PTPN11: variants seen among roughly 807,000 people sequenced by gnomAD.
PTPN11 encodes tyrosine-protein phosphatase non-receptor type 11.
PTPN11 carries 6 observed loss-of-function variants against 78.8 expected under a neutral mutation model. The ratio of observed to expected loss-of-function variants is 0.08; its 90% CI spans 0.04 to 0.15. PTPN11 has a LOEUF of 0.15. PTPN11 is among the 10% of genes least tolerant of loss of function. PTPN11 has a pLI of 1.00. For synonymous variants in PTPN11, 221 were observed against 263.5 expected, an observed-to-expected ratio of 0.84 and a Z score of 1.56; for missense variants, 386 against 744.8, an observed-to-expected ratio of 0.52 and a Z score of 5.61.
rs1461134081 is a variant in PTPN11, at chr12:112,482,674, CCTTT to C, written c.1224+470_1224+473del. Among the ~76,000 whole-genome samples the C allele has an allele frequency of 6.6e-6, 1 of 152,070 alleles. No individual in the cohort carries two copies. The highest frequency in any genetic ancestry group is 1.5e-5 in the Non-Finnish European group (1 of 68,012). ...CAGCAGTTGTTCTTTTTTGTTCCTTCCTTTGGAATGGAATATTATATAAAATGGC... is the reference window on the plus strand; with the variant it reads ...CAGCAGTTGTTCTTTTTTGTTCCTTCGGAATGGAATATTATATAAAATGGC... On this transcript the variant is annotated intron_variant, in intron 10 of 15. Coordinates refer to ENST00000351677, the MANE Select transcript of PTPN11 (RefSeq NM_002834.5). This position sits in a 1 kb window ranked among gnomAD's most constrained non-coding sequence, Gnocchi z 4.4.
At chr12:112,472,692 G>C (rs1448899502) in intron 6 of PTPN11, among the ~76,000 whole-genome samples, 1 of 151,858 alleles carries the variant, frequency 6.6e-6, no homozygotes, top group Non-Finnish European at 1.5e-5. Context: ...GTAGAGCTGT[G>C]GTTTTACCAT....
intron 6 of PTPN11, among the ~76,000 whole-genome samples, chr12:112,458,094 A>G (rs531065929): frequency 1.6e-4 from 25 of 152,364 alleles, no homozygotes; most frequent in Middle Eastern, 6.8e-3. Flanking sequence ...CCTTTTAGCC[A>G]GAGTATGTCT....
At chr12:112,476,684 G>T (rs2038509259) in intron 7 of PTPN11, among the ~76,000 whole-genome samples, 1 of 152,146 alleles carries the variant, frequency 6.6e-6, no homozygotes, top group Non-Finnish European at 1.5e-5. Context: ...TATGAGAATT[G>T]CTTGAGCCCA....
chr12:112,498,078 G>A (rs748873294), intron 13 of PTPN11, among the ~76,000 whole-genome samples: 8 of 152,060 alleles, frequency 5.3e-5, no homozygotes, highest in Non-Finnish European at 1.2e-4. Context: ...GCTTGAACCC[G>A]GGAGGCAGAG....
At chr12:112,499,190 C>T (rs1050450262) in intron 13 of PTPN11, among the ~76,000 whole-genome samples, 3 of 150,288 alleles carry the variant, frequency 2.0e-5, no homozygotes. Flanking sequence ...GATCTCATGT[C>T]ATGTGTTTTT....
At chr12:112,484,755 C>T (rs2038647879) in intron 10 of PTPN11, among the ~76,000 whole-genome samples, 1 of 152,136 alleles carries the variant, frequency 6.6e-6, no homozygotes, top group Admixed American at 6.5e-5. Flanking sequence ...GGCGTGGTGG[C>T]TCACGCCTGT....
rs1346343279 is a variant in PTPN11, at chr12:112,509,553, T to C, written c.*3761T>C. The C allele has an allele frequency of 6.6e-6, 1 of 152,658 alleles. No individual in the cohort carries two copies. The highest frequency in any genetic ancestry group is 2.4e-5 in the African/African-American group (1 of 41,436). 9.5% of individuals were successfully genotyped at this position (152,658 alleles called of 1,614,324 possible). A position where few individuals can be genotyped will look rare whatever the true frequency, so the allele number is the denominator to read the frequency against. ...CCAGAGTATTAAAAGATATGTAATA[T>C]TTTATTGATAAATCTATCCTTTAAA... On this transcript the variant is annotated 3_prime_UTR_variant, in exon 16 of 16. Coordinates refer to ENST00000351677, the MANE Select transcript of PTPN11 (RefSeq NM_002834.5).
At chr12:112,426,367 C>T (rs1267860048) in intron 1 of PTPN11, among the ~76,000 whole-genome samples, 1 of 152,166 alleles carries the variant, frequency 6.6e-6, no homozygotes. Context: ...CGCGATTCTC[C>T]TGCCTCAGCC....
chr12:112,486,516 C>T lies in PTPN11; in HGVS notation c.1266C>T (p.Thr422=), dbSNP rs759848374. The change falls in exon 11 of 16, where the codon ACC becomes ACT. Residue 422 remains threonine, a synonymous_variant. Coordinates refer to ENST00000351677, the MANE Select transcript of PTPN11 (RefSeq NM_002834.5). The part of the protein sequence containing the change: ...ERTVWQYHFR[T]WPDHGVPSDP... ...CGGTCTGGCAATACCACTTTCGGAC[C>T]TGGCCGGACCACGGCGTGCCCAGCG... 1 of 1,614,194 alleles carries T rather than the reference C, an allele frequency of 6.2e-7. No homozygotes were observed. The highest frequency in any genetic ancestry group is 8.5e-7 in the Non-Finnish European group (1 of 1,180,022).
chr12:112,475,048 A>G (rs1170356821), intron 7 of PTPN11, among the ~76,000 whole-genome samples: 1 of 152,212 alleles, frequency 6.6e-6, no homozygotes. Flanking sequence ...TAAACCAGTC[A>G]CAGTTCCTCT....
intron 13 of PTPN11, among the ~76,000 whole-genome samples, chr12:112,491,909 G>T (rs1433154282): frequency 6.6e-6 from 1 of 152,172 alleles, no homozygotes; most frequent in African/African-American, 2.4e-5. Flanking sequence ...GCTTCGCCGT[G>T]TTGCCCCGGC....
At chr12:112,453,481 G>C (rs1424377793) in intron 4 of PTPN11, 94 bp downstream of exon 4, 2 of 970,682 alleles carry the variant, frequency 2.1e-6, no homozygotes, top group African/African-American at 3.3e-5. Flanking sequence ...TTCAAAGTCA[G>C]ATTGTCTTTT....
chr12:112,469,618 G>A (rs1031426134), intron 6 of PTPN11, among the ~76,000 whole-genome samples: 4 of 151,936 alleles, frequency 2.6e-5, no homozygotes, highest in Admixed American at 1.3e-4. Context: ...GGGTTTAAGC[G>A]ATTCTCCTGC....
intron 13 of PTPN11, among the ~76,000 whole-genome samples, chr12:112,496,897 T>C (rs1410069234): frequency 6.6e-6 from 1 of 152,162 alleles, no homozygotes; most frequent in Non-Finnish European, 1.5e-5. Flanking sequence ...TTAAAAATTC[T>C]GTAATGGGTC....
intron 1 of PTPN11, among the ~76,000 whole-genome samples, chr12:112,419,780 C>A (rs145853010): frequency 6.6e-6 from 1 of 152,208 alleles, no homozygotes; most frequent in African/African-American, 2.4e-5. Flanking sequence ...GTTATTTAAT[C>A]CTTCACTGCA....
intron 6 of PTPN11, among the ~76,000 whole-genome samples, chr12:112,471,454 A>AAG (rs56070053): frequency 0.13 from 16,622 of 126,220 alleles, 1,271 homozygotes; most frequent in East Asian, 0.34. Context: ...GATAAACAGA[A>AAG]AGAGAGAGAG....
rs772996810 is a variant in PTPN11 at position 112,478,048 on chromosome 12, GT to G, written c.1092+38del. 7 of 1,611,104 alleles carry G rather than the reference GT, an allele frequency of 4.3e-6. No individual in the cohort carries two copies. The South Asian group carries it at 6.6e-5, about 15-fold the overall frequency. On this transcript the variant is annotated intron_variant, in intron 9 of 15. Transcript: ENST00000351677. Reference sequence around the variant, plus strand: ...ACAGAAACTTCTTTTCTGCTAAACTGTTTTTAAAGTATCAGACATGTCAGAT... The same window carrying G: ...ACAGAAACTTCTTTTCTGCTAAACTGTTTTAAAGTATCAGACATGTCAGAT...
intron 7 of PTPN11, among the ~76,000 whole-genome samples, chr12:112,477,232 G>T (rs1172004193): frequency 1.3e-5 from 2 of 152,092 alleles, no homozygotes; most frequent in Non-Finnish European, 2.9e-5. Flanking sequence ...GGCCAGGCTG[G>T]TCTTGACCTC....
In PTPN11 at chr12:112,489,043, C is replaced by T. The variant is rs539373294; in HGVS notation, c.1467C>T (p.Asp489=). The change falls in exon 13 of 16, where the codon GAC becomes GAT. Residue 489 remains aspartate, a synonymous_variant. Transcript: ENST00000351677. ...IREKGVDCDI[D]VPKTIQMVRS... is the part of the protein sequence containing the mutation. ...TCGTAGGTGTTGACTGCGATATTGA[C>T]GTTCCCAAAACCATCCAGATGGTGC... 30 of 1,613,878 alleles carry T rather than the reference C, an allele frequency of 1.9e-5. 1 individual carries two copies. In the Admixed American group the frequency reaches 3.0e-4, roughly 16 times the overall value.
Sources: allele counts gnomAD v4.1 joint callset (sites outside exome capture counted in the v4.1 genomes callset), GRCh38; gene constraint gnomAD v4.1.1; non-coding constraint Gnocchi (gnomAD v3.1); transcripts MANE v1.5; gene names NCBI Gene and HGNC (gene_info 2026-07-23, HGNC 2026-07-21).